Variants in BPIFB3 observed in about 807,000 individuals in gnomAD.
BPIFB3 encodes the protein BPI fold containing family B member 3, also known as BPI fold-containing family B member 3.
A neutral mutation model predicts 53.1 loss-of-function variants in BPIFB3; 49 were observed. The ratio of observed to expected loss-of-function variants is 0.92; its 90% CI spans 0.73 to 1.17. BPIFB3 has a LOEUF of 1.17. BPIFB3 is among the 50% of genes most tolerant of loss of function. BPIFB3 has a pLI of 0.00. For missense variants in BPIFB3, 628 were observed against 592.5 expected (o/e 1.06, Z -0.62); for synonymous variants, 271 against 269.6 (o/e 1.01, Z -0.05).
chr20:33,066,597 G>A (rs1168966858), intron 8 of BPIFB3, among the ~76,000 whole-genome samples: 1 of 152,214 alleles, frequency 6.6e-6, no homozygotes, highest in East Asian at 1.9e-4. Flanking sequence ...TTGAGCTGTT[G>A]TAAAGGTGAA....
intron 10 of BPIFB3, 149 bp from the exon 12 acceptor site, chr20:33,069,739 C>T (rs1980808434): frequency 7.7e-6 from 6 of 775,222 alleles, no homozygotes; most frequent in Admixed American, 4.2e-5. Context: ...GCAAAACCTT[C>T]AAATTACCTT....
rs149831754 is a variant in BPIFB3 at position 33,065,910 on chromosome 20, G to A, written c.925-914G>A. 3.6e-4 allele frequency among the ~76,000 whole-genome samples: 55 copies of A among 152,316 alleles called. 2 individuals are homozygous for A. In the East Asian group the frequency reaches 8.3e-3, roughly 23 times the overall value. ...AACAGGACCCTGAGCTGGGGAGAGG[G>A]TGTCTTCCAGCTGGGGGATGGGGGT... is the stretch of plus-strand genomic sequence containing the variant. On this transcript the variant is annotated intron_variant, in intron 8 of 14. Coordinates refer to ENST00000375494, the Ensembl canonical transcript of BPIFB3.
chr20:33,071,394 T>C, intron 12 of BPIFB3, 99 bp downstream of exon 13: 1 of 1,353,834 alleles, frequency 7.4e-7, no homozygotes, highest in South Asian at 1.3e-5. Flanking sequence ...ATGACTGAGC[T>C]GACCTCAGGA....
intron 11 of BPIFB3, 60 bp downstream of exon 12, chr20:33,070,015 C>T: frequency 1.9e-6 from 3 of 1,569,704 alleles, no homozygotes; most frequent in South Asian, 2.2e-5. Context: ...GAATTAGGGG[C>T]TGACAGGATC....
chr20:33,054,431 C>T (rs955780501), upstream of BPIFB3, among the ~76,000 whole-genome samples: 1 of 152,074 alleles, frequency 6.6e-6, no homozygotes, highest in South Asian at 2.1e-4. Flanking sequence ...AAATATTCTG[C>T]GTGATGTTTA....
At chr20:33,072,773 T>C (rs1980961514) in exon 14 of BPIFB3, 8 of 1,613,570 alleles carry the variant, frequency 5.0e-6, no homozygotes, top group Non-Finnish European at 6.8e-6. Flanking sequence ...TTTTTCCAAT[T>C]CAGTTCTGGA....
At chr20:33,072,785 A>T in exon 14 of BPIFB3, 1 of 1,612,934 alleles carries the variant, frequency 6.2e-7, no homozygotes. Flanking sequence ...AGTTCTGGAG[A>T]TCGTAGAGGT....
At chr20:33,072,731 G>A in exon 14 of BPIFB3, 2 of 1,613,304 alleles carry the variant, frequency 1.2e-6, no homozygotes, top group Non-Finnish European at 1.7e-6. Flanking sequence ...CCTGGATGTT[G>A]GAATTCCCCT....
Position 33,072,707 on chromosome 20 carries a change from C to T in BPIFB3, c.1325-10C>T, listed in dbSNP as rs890787066. Reference sequence around the variant, plus strand: ...ATGTACCTTTGTTTTCAACGATTCTCTTTTCACAGTGGCCCTGGATGTTGG... The same window carrying T: ...ATGTACCTTTGTTTTCAACGATTCTTTTTTCACAGTGGCCCTGGATGTTGG... On this transcript the variant is annotated splice_polypyrimidine_tract_variant and intron_variant, in intron 13 of 14. Transcript: ENST00000375494. 6.8e-6 allele frequency: 11 copies of T among 1,610,544 alleles called. No homozygotes were observed.
chr20:33,058,707 C>T (rs930484382), intron 2 of BPIFB3, among the ~76,000 whole-genome samples: 2 of 151,950 alleles, frequency 1.3e-5, no homozygotes, highest in African/African-American at 4.8e-5. Context: ...AGTCTGACAG[C>T]GAAGATCCCA....
intron 9 of BPIFB3, among the ~76,000 whole-genome samples, chr20:33,068,475 G>T (rs1056763657): frequency 2.6e-5 from 4 of 152,222 alleles, no homozygotes; most frequent in Admixed American, 6.5e-5. Flanking sequence ...TGGCCAGTGA[G>T]TCTGGAGGGA....
intron 9 of BPIFB3, among the ~76,000 whole-genome samples, chr20:33,067,365 G>A (rs1055880492): frequency 2.0e-4 from 31 of 152,234 alleles, no homozygotes; most frequent in African/African-American, 7.5e-4. Flanking sequence ...CTTTCCAGCT[G>A]TGAGAACTGG....
chr20:33,072,981 C>A (rs1027313193), intron 14 of BPIFB3, among the ~76,000 whole-genome samples, 188 bp downstream of exon 15: 1 of 152,242 alleles, frequency 6.6e-6, no homozygotes, highest in Non-Finnish European at 1.5e-5. Context: ...TGTGCTACTA[C>A]TCCTCCATTT....
intron 2 of BPIFB3, among the ~76,000 whole-genome samples, chr20:33,058,247 G>T (rs991550041): frequency 2.0e-5 from 3 of 152,230 alleles, no homozygotes; most frequent in Non-Finnish European, 4.4e-5. Context: ...AAGAAGGGCT[G>T]ATGGGTGTTC....
At chr20:33,072,251 T>G in intron 13 of BPIFB3, 84 bp downstream of exon 14, 8 of 1,407,898 alleles carry the variant, frequency 5.7e-6, no homozygotes, top group Non-Finnish European at 8.0e-6. Context: ...ATGGTTCTGA[T>G]GGGGACACTG....
At chr20:33,064,545 C>T (rs1980588687) in exon 7 of BPIFB3, 2 of 1,613,596 alleles carry the variant, frequency 1.2e-6, no homozygotes, top group African/African-American at 2.7e-5. Context: ...AACTGGACAT[C>T]AACGTGAGTA....
chr20:33,072,313 C>G, intron 13 of BPIFB3, 146 bp downstream of exon 14: 1 of 871,770 alleles, frequency 1.1e-6, no homozygotes, highest in Non-Finnish European at 1.9e-6. Flanking sequence ...AACTGAGGCA[C>G]CAATTTTTCC....
chr20:33,054,487 C>T (rs922444113), upstream of BPIFB3, among the ~76,000 whole-genome samples: 1 of 152,136 alleles, frequency 6.6e-6, no homozygotes, highest in African/African-American at 2.4e-5. Flanking sequence ...GGAGGCCTCT[C>T]CAGGGAGGCA....
intron 5 of BPIFB3, 71 bp from the exon 7 acceptor site, chr20:33,063,544 A>G (rs1178050223): frequency 7.8e-6 from 12 of 1,544,012 alleles, no homozygotes. Context: ...ATAGCAAAGC[A>G]TTTAAAGAAC....
Sources: gnomAD v4.1 joint callset for allele counts (sites outside exome capture counted in the v4.1 genomes callset) on GRCh38, gnomAD v4.1.1 for gene constraint, MANE v1.5 for transcripts, NCBI Gene and HGNC (gene_info 2026-07-23, HGNC 2026-07-21) for gene names.